The following MPRIP variants were observed in gnomAD, a reference collection of about 807,000 sequenced individuals.
MPRIP encodes myosin phosphatase Rho interacting protein, also known as myosin phosphatase Rho-interacting protein.
A neutral mutation model predicts 234.9 loss-of-function variants in MPRIP; 59 were observed. The ratio of observed to expected loss-of-function variants is 0.25; its 90% CI spans 0.20 to 0.31. The LOEUF (loss-of-function observed/expected upper bound fraction) is 0.31, where lower values mean the gene tolerates loss of function less well. Among genes scored for constraint, MPRIP ranks in the 10% least tolerant of loss-of-function variants. The pLI is 1.00. For missense variants in MPRIP, 2,436 were observed against 3,071.0 expected, an observed-to-expected ratio of 0.79 and a Z score of 4.89; for synonymous variants, 1,144 against 1,263.9, an observed-to-expected ratio of 0.91 and a Z score of 2.01.
At chr17:17,060,435 G>C (rs2088835120) in intron 1 of MPRIP, among the ~76,000 whole-genome samples, 3 of 152,204 alleles carry the variant, frequency 2.0e-5, no homozygotes, top group African/African-American at 4.8e-5. Context: ...AGTGTCCCAT[G>C]GGCCAGGGCC....
At chr17:17,130,125 C>A (rs2090567101) in intron 4 of MPRIP, among the ~76,000 whole-genome samples, 1 of 152,132 alleles carries the variant, frequency 6.6e-6, no homozygotes, top group Non-Finnish European at 1.5e-5. Context: ...GGATCTCTGG[C>A]ATTGCAGGTG....
chr17:17,072,985 C>T (rs1272320197), intron 1 of MPRIP, among the ~76,000 whole-genome samples: 3 of 152,112 alleles, frequency 2.0e-5, no homozygotes, highest in African/African-American at 7.2e-5. Context: ...TGATACAATT[C>T]TATGATTTTT....
At chr17:17,154,514 C>A in intron 13 of MPRIP, 99 bp downstream of exon 13, 1 of 917,124 alleles carries the variant, frequency 1.1e-6, no homozygotes, top group Non-Finnish European at 1.8e-6. Context: ...GAGACCTGAG[C>A]TCAGTGCATC....
At chr17:17,117,823 G>A (rs1456010418) in intron 3 of MPRIP, among the ~76,000 whole-genome samples, 1 of 152,204 alleles carries the variant, frequency 6.6e-6, no homozygotes, top group Non-Finnish European at 1.5e-5. Context: ...ATCAAAACGA[G>A]GCCTATATTT....
chr17:17,149,215 C>T (rs1329280978), intron 11 of MPRIP, among the ~76,000 whole-genome samples: 5 of 152,186 alleles, frequency 3.3e-5, no homozygotes, highest in Non-Finnish European at 5.9e-5. Flanking sequence ...CTTTGTTGTC[C>T]GGGGGCGGTG....
chr17:17,092,265 T>C (rs1469002145), intron 3 of MPRIP, among the ~76,000 whole-genome samples: 2 of 152,232 alleles, frequency 1.3e-5, no homozygotes, highest in African/African-American at 4.8e-5. Flanking sequence ...CAGCTTCCTC[T>C]TTCTCATGGT....
intron 3 of MPRIP, among the ~76,000 whole-genome samples, chr17:17,118,351 G>C (rs1394043858): frequency 2.0e-5 from 3 of 152,254 alleles, no homozygotes; most frequent in Non-Finnish European, 4.4e-5. Flanking sequence ...TGGGGTTGCA[G>C]GACCCTCTCT....
chr17:17,071,739 A>G (rs1435930057), intron 1 of MPRIP, among the ~76,000 whole-genome samples: 3 of 152,142 alleles, frequency 2.0e-5, no homozygotes, highest in Non-Finnish European at 4.4e-5. Flanking sequence ...GGAGTCTCTC[A>G]TGTGGTCACT....
intron 7 of MPRIP, among the ~76,000 whole-genome samples, chr17:17,140,894 G>T (rs949573692): frequency 1.3e-5 from 2 of 152,120 alleles, no homozygotes; most frequent in Non-Finnish European, 2.9e-5. Context: ...GAGCTGCAGG[G>T]TGCAGGCCCC....
chr17:17,165,562 T>C lies in MPRIP; in HGVS notation c.3971T>C (p.Phe1324Ser). ...GGTGTTAAAAGGCAAAGAATCCGGT[T>C]CTCCACAATCCAGTGCCAAAGATAC... is the stretch of plus-strand genomic sequence containing the variant. ...APGVKRQRIR[F>S]STIQCQRYIH... Residue 1324 changes from phenylalanine (F) to serine (S), a missense_variant, in exon 16 of 24, where the codon TTC becomes TCC. Coordinates refer to ENST00000651222, the MANE Select transcript of MPRIP (RefSeq NM_001364716.4). 7.7e-7 allele frequency: 1 copy of C among 1,304,598 alleles called. No homozygotes were observed. The highest frequency in any genetic ancestry group is 1.5e-5 in the African/African-American group (1 of 65,990). The allele number at this position is 1,304,598 out of a possible 1,614,324, so 80.8% of individuals were successfully genotyped here. A position where few individuals can be genotyped will look rare whatever the true frequency, so the allele number is the denominator to read the frequency against.
At chr17:17,147,147 C>T (rs2045484909) in intron 10 of MPRIP, among the ~76,000 whole-genome samples, 172 bp from the exon 11 acceptor site, 1 of 152,110 alleles carries the variant, frequency 6.6e-6, no homozygotes, top group Non-Finnish European at 1.5e-5. Flanking sequence ...GCATGGCTGC[C>T]TGCAGTCCGA....
Position 17,185,566 on chromosome 17 carries a change from G to C in MPRIP, c.*672G>C, listed in dbSNP as rs751544547. The C allele has an allele frequency of 2.2e-6, 1 of 453,994 alleles. No individual in the cohort carries two copies. Among genetic ancestry groups the C allele is most frequent in the Non-Finnish European group, 4.4e-6 (1 of 226,754 alleles). The allele number at this position is 453,994 out of a possible 1,614,324, so 28.1% of individuals were successfully genotyped here. Reference sequence around the variant, plus strand: ...TTATTAAATCTTGCACAAAATCCCCGGCCCCTCTCCTTCCTTCCTTCCTTC... The same window carrying C: ...TTATTAAATCTTGCACAAAATCCCCCGCCCCTCTCCTTCCTTCCTTCCTTC... On this transcript the variant is annotated 3_prime_UTR_variant, in exon 24 of 24. Coordinates refer to ENST00000651222, the MANE Select transcript of MPRIP (RefSeq NM_001364716.4).
chr17:17,080,865 C>T (rs142205888), intron 3 of MPRIP, among the ~76,000 whole-genome samples: 67 of 152,326 alleles, frequency 4.4e-4, no homozygotes, highest in African/African-American at 1.5e-3. Flanking sequence ...CAGTGCCAGT[C>T]GTAGAATGGG....
intron 2 of MPRIP, among the ~76,000 whole-genome samples, chr17:17,076,750 TG>T (rs1673278323): frequency 6.6e-6 from 1 of 152,174 alleles, no homozygotes; most frequent in East Asian, 1.9e-4. Flanking sequence ...CCAGCTGGGC[TG>T]CAGTTTCCAG....
At chr17:17,052,748 T>A (rs1234536056) in intron 1 of MPRIP, among the ~76,000 whole-genome samples, 2 of 152,320 alleles carry the variant, frequency 1.3e-5, no homozygotes, top group East Asian at 3.9e-4. Context: ...ATCCCCAACA[T>A]GGGCTACTGG....
intron 3 of MPRIP, among the ~76,000 whole-genome samples, chr17:17,098,539 T>C (rs2089896752): frequency 6.6e-6 from 1 of 152,142 alleles, no homozygotes; most frequent in Admixed American, 6.5e-5. Context: ...GCTGCCTTTG[T>C]CGGGTCCGGA....
At chr17:17,069,182 T>G (rs1401625530) in intron 1 of MPRIP, among the ~76,000 whole-genome samples, 1 of 152,320 alleles carries the variant, frequency 6.6e-6, no homozygotes, top group East Asian at 1.9e-4. Flanking sequence ...TATATAATAT[T>G]CCTCTTTGTC....
Position 17,190,340 on chromosome 17 carries a change from AC to A in MPRIP, c.*5450del, listed in dbSNP as rs1479752753. 6.6e-6 allele frequency: 1 copy of A among 152,170 alleles called. No homozygotes were observed. Among genetic ancestry groups the A allele is most frequent in the Non-Finnish European group, 1.5e-5 (1 of 68,044 alleles). The allele number at this position is 152,170 out of a possible 1,614,324, so 9.4% of individuals were successfully genotyped here. On this transcript the variant is annotated 3_prime_UTR_variant, in exon 24 of 24. Coordinates refer to ENST00000651222, the MANE Select transcript of MPRIP (RefSeq NM_001364716.4). ...AGCTACGGCAGGTTGTTCTGCAGCC[AC>A]CCCTTAGAGGGGGCTCTTCGTTTTA...
chr17:17,172,551 G>A (rs1002118571), intron 17 of MPRIP, 147 bp from the exon 18 acceptor site: 10 of 616,014 alleles, frequency 1.6e-5, no homozygotes, highest in African/African-American at 1.5e-4. Context: ...TGAGGGGCCA[G>A]CCTGTCATGC....
Sources: allele counts gnomAD v4.1 joint callset (sites outside exome capture counted in the v4.1 genomes callset), GRCh38; gene constraint gnomAD v4.1.1; transcripts MANE v1.5; gene names NCBI Gene and HGNC (gene_info 2026-07-23, HGNC 2026-07-21).